SPOCK1: variants seen among roughly 807,000 people sequenced by gnomAD.
The protein encoded by SPOCK1 is SPARC (osteonectin), cwcv and kazal like domains proteoglycan 1, also known as testican-1.
Under a neutral mutation model 55.3 loss-of-function variants are expected in SPOCK1, and 23 were observed. The ratio of observed to expected loss-of-function variants is 0.42; its 90% CI spans 0.30 to 0.59. The LOEUF (loss-of-function observed/expected upper bound fraction) is 0.59. SPOCK1 is among the 20% of genes least tolerant of loss of function. The pLI, the probability that SPOCK1 is intolerant of heterozygous loss-of-function variation, is 0.22. For missense variants in SPOCK1, 499 were observed against 552.5 expected (o/e 0.90, Z 0.97); for synonymous variants, 226 against 221.0 (o/e 1.02, Z -0.20).
At chr5:137,313,582 C>T in intron 2 of SPOCK1, 1 of 647,156 alleles carries the variant, frequency 1.5e-6, no homozygotes, top group Non-Finnish European at 1.9e-6. Flanking sequence ...TGAACCTGAC[C>T]CCATTCTTCT....
At chr5:137,156,117 G>A (rs562148739) in intron 3 of SPOCK1, among the ~76,000 whole-genome samples, 1 of 152,280 alleles carries the variant, frequency 6.6e-6, no homozygotes, top group African/African-American at 2.4e-5. Context: ...AGGGGCCCCT[G>A]GGGTGCATTC....
intron 3 of SPOCK1, among the ~76,000 whole-genome samples, chr5:137,215,528 A>T (rs771552893): frequency 2.0e-5 from 3 of 152,234 alleles, no homozygotes; most frequent in Admixed American, 6.5e-5. Context: ...ATTTTACTGG[A>T]TGATAATTTT....
intron 6 of SPOCK1, 90 bp downstream of exon 6, chr5:137,067,625 T>C (rs1752533089): frequency 9.0e-7 from 1 of 1,114,212 alleles, no homozygotes; most frequent in Admixed American, 1.9e-5. Flanking sequence ...TCCAGTTTGT[T>C]CCTAGTGCCT....
At chr5:137,060,672 T>G (rs898902595) in intron 6 of SPOCK1, among the ~76,000 whole-genome samples, 3 of 152,104 alleles carry the variant, frequency 2.0e-5, no homozygotes, top group African/African-American at 4.8e-5. Flanking sequence ...GAGTGCTGTC[T>G]GGGCAAACTA....
chr5:136,992,846 G>T, intron 6 of SPOCK1: 1 of 385,176 alleles, frequency 2.6e-6, no homozygotes, highest in Non-Finnish European at 4.6e-6. Context: ...TCTGTGCTGT[G>T]AAAGCAAGCT....
chr5:137,269,998 C>T (rs1756929914), intron 2 of SPOCK1, among the ~76,000 whole-genome samples: 1 of 152,216 alleles, frequency 6.6e-6, no homozygotes, highest in Non-Finnish European at 1.5e-5. Flanking sequence ...GACCCCATGA[C>T]TTGCTATGCT....
intron 3 of SPOCK1, among the ~76,000 whole-genome samples, chr5:137,225,871 T>C (rs890642675): frequency 3.0e-4 from 46 of 152,344 alleles, no homozygotes; most frequent in Admixed American, 2.6e-3. Flanking sequence ...CAAAAGCCTT[T>C]TGTGAGAAGC....
At chr5:137,319,613 C>T (rs1032489703) in intron 2 of SPOCK1, among the ~76,000 whole-genome samples, 1 of 152,186 alleles carries the variant, frequency 6.6e-6, no homozygotes, top group Non-Finnish European at 1.5e-5. Flanking sequence ...GAATAGGAAA[C>T]CCGAGAGCTC....
At chr5:137,263,768 A>G (rs1756796738) in intron 3 of SPOCK1, among the ~76,000 whole-genome samples, 1 of 152,146 alleles carries the variant, frequency 6.6e-6, no homozygotes, top group Non-Finnish European at 1.5e-5. Flanking sequence ...CTTTACCCTA[A>G]TCTCAGGAAG....
chr5:137,175,179 T>C (rs1327095225), intron 3 of SPOCK1, among the ~76,000 whole-genome samples: 1 of 152,166 alleles, frequency 6.6e-6, no homozygotes, highest in Non-Finnish European at 1.5e-5. Context: ...GCACCAGGCA[T>C]GAAGCCTTGT....
intron 2 of SPOCK1, among the ~76,000 whole-genome samples, chr5:137,327,901 GA>G (rs1758106401): frequency 6.6e-6 from 1 of 152,052 alleles, no homozygotes; most frequent in Non-Finnish European, 1.5e-5. Context: ...AGAAACAGTG[GA>G]AAAAAGCCAC....
intron 6 of SPOCK1, among the ~76,000 whole-genome samples, chr5:137,010,786 AC>A (rs761507614): frequency 1.3e-5 from 2 of 152,158 alleles, no homozygotes; most frequent in African/African-American, 4.8e-5. Flanking sequence ...ATTACCAGGT[AC>A]CTACCACATG....
chr5:137,385,631 C>G (rs951825057), intron 2 of SPOCK1, among the ~76,000 whole-genome samples: 1 of 152,206 alleles, frequency 6.6e-6, no homozygotes, highest in Non-Finnish European at 1.5e-5. Flanking sequence ...AGATCACCAT[C>G]CACACTCCTG....
rs374377897 is a variant in SPOCK1, at chr5:137,361,404, G to C, written c.187-94349C>G. Among the ~76,000 whole-genome samples the C allele has an allele frequency of 1.0e-3, 158 of 152,280 alleles. 1 individual carries two copies. Among genetic ancestry groups the C allele is most frequent in the African/African-American group, 3.6e-3 (151 of 41,548 alleles). On this transcript the variant is annotated intron_variant, in intron 2 of 10. Transcript: ENST00000394945. ...CCACTGTATCAGAGTCACCTAACAG[G>C]GTCTGGGATATAAGAGGCACTAAGG...
At chr5:137,206,880 A>G (rs1755529312) in intron 3 of SPOCK1, among the ~76,000 whole-genome samples, 1 of 152,236 alleles carries the variant, frequency 6.6e-6, no homozygotes, top group Admixed American at 6.5e-5. Context: ...AAGGAAACTG[A>G]GAACCAGAGA....
At chr5:137,250,539 G>A (rs1421471158) in intron 3 of SPOCK1, among the ~76,000 whole-genome samples, 1 of 152,146 alleles carries the variant, frequency 6.6e-6, no homozygotes, top group Non-Finnish European at 1.5e-5. Context: ...AGTGGGGGAA[G>A]CCCCACTGCA....
At chr5:137,035,198 C>T (rs1340701673) in intron 6 of SPOCK1, among the ~76,000 whole-genome samples, 2 of 152,174 alleles carry the variant, frequency 1.3e-5, no homozygotes, top group East Asian at 1.9e-4. Context: ...CTCCCTCTGC[C>T]TGAAGGAGGA....
rs138408959 is a variant in SPOCK1, at chr5:137,469,212, G to A, written c.186+29161C>T. 4.6e-3 allele frequency among the ~76,000 whole-genome samples: 700 copies of A among 152,240 alleles called. 3 individuals carry two copies. The highest frequency in any genetic ancestry group is 0.019 in the South Asian group (93 of 4,820). ...CATAGTCAGTGCTGAGAAAGCTGTG[G>A]GCTTGATACAAAGGATGTTAGGATT... On this transcript the variant is annotated intron_variant, in intron 2 of 10. Coordinates refer to ENST00000394945, the MANE Select transcript of SPOCK1 (RefSeq NM_004598.4).
At chr5:137,248,738 T>C (rs1195420316) in intron 3 of SPOCK1, among the ~76,000 whole-genome samples, 3 of 152,190 alleles carry the variant, frequency 2.0e-5, no homozygotes, top group Non-Finnish European at 4.4e-5. Context: ...ATGATTCATA[T>C]AAAGGGCTTA....
Sources: allele counts gnomAD v4.1 joint callset (sites outside exome capture counted in the v4.1 genomes callset), GRCh38; gene constraint gnomAD v4.1.1; transcripts MANE v1.5; gene names NCBI Gene and HGNC (gene_info 2026-07-23, HGNC 2026-07-21).